PSD3: variants seen among roughly 807,000 people sequenced by gnomAD.
PSD3 encodes the protein PH and SEC7 domain-containing protein 3.
In PSD3, 49 loss-of-function variants were observed where a neutral mutation model predicts 105.5. The ratio of observed to expected loss-of-function variants is 0.46; its 90% CI spans 0.37 to 0.59. PSD3 has a LOEUF of 0.59. Ranked by LOEUF, PSD3 falls within the 20% of genes least tolerant of loss-of-function variation. The probability of loss-of-function intolerance (pLI) is 0.00; values close to 1 mark genes in which losing one functional copy is unlikely to be tolerated. For synonymous variants in PSD3, 557 were observed against 457.8 expected (o/e 1.22, Z -2.77); for missense variants, 1,561 against 1,263.8 (o/e 1.24, Z -3.57).
At chr8:18,876,682 G>A (rs181100960) in intron 2 of PSD3, among the ~76,000 whole-genome samples, 2 of 152,206 alleles carry the variant, frequency 1.3e-5, no homozygotes, top group African/African-American at 4.8e-5. Flanking sequence ...TTACAGACAT[G>A]AACCACCGCA....
intron 4 of PSD3, among the ~76,000 whole-genome samples, chr8:18,854,945 T>C (rs1001539034): frequency 3.1e-4 from 47 of 152,198 alleles, no homozygotes; most frequent in African/African-American, 1.1e-3. Flanking sequence ...CACACACAGC[T>C]GTCAGACACA....
At chr8:19,065,405 G>A (rs13276590) in intron 1 of PSD3, among the ~76,000 whole-genome samples, 5,360 of 152,222 alleles carry the variant, frequency 0.035, 99 homozygotes, top group Non-Finnish European at 0.042. Context: ...GATAGCGTCA[G>A]ATCCCACAGC....
chr8:18,583,604 G>A (rs911074460), intron 12 of PSD3, among the ~76,000 whole-genome samples: 2 of 152,070 alleles, frequency 1.3e-5, no homozygotes, highest in Non-Finnish European at 2.9e-5. Flanking sequence ...ATCCATACAC[G>A]TTTGTCTCTG....
chr8:18,638,387 C>T (rs764194854), intron 10 of PSD3, among the ~76,000 whole-genome samples: 2 of 149,950 alleles, frequency 1.3e-5, no homozygotes, highest in African/African-American at 2.4e-5. Flanking sequence ...TATAGAAAAA[C>T]CGTAAAAACT....
intron 9 of PSD3, among the ~76,000 whole-genome samples, chr8:18,751,175 G>A (rs1056418176): frequency 6.6e-6 from 1 of 152,134 alleles, no homozygotes; most frequent in Non-Finnish European, 1.5e-5. Flanking sequence ...TGCAGGTCCC[G>A]AGCCCTGCCC....
intron 11 of PSD3, 42 bp from the exon 12 acceptor site, chr8:18,600,476 C>A (rs765511147): frequency 1.7e-5 from 25 of 1,433,526 alleles, no homozygotes; most frequent in Non-Finnish European, 2.3e-5. Context: ...TTGACATCAG[C>A]ATTTTAGAAA....
chr8:18,643,138 C>G (rs1807774786), intron 10 of PSD3, among the ~76,000 whole-genome samples: 1 of 152,102 alleles, frequency 6.6e-6, no homozygotes, highest in African/African-American at 2.4e-5. Context: ...GTCAAGGGTC[C>G]TGAATCTGAT....
intron 9 of PSD3, among the ~76,000 whole-genome samples, chr8:18,743,501 C>T (rs553133935): frequency 8.5e-5 from 13 of 152,172 alleles, no homozygotes; most frequent in Non-Finnish European, 1.8e-4. Flanking sequence ...AGTCGTTCTC[C>T]TTGGTGGGTC....
intron 9 of PSD3, among the ~76,000 whole-genome samples, chr8:18,697,393 C>T (rs1476452018): frequency 2.0e-5 from 3 of 152,166 alleles, no homozygotes; most frequent in Non-Finnish European, 4.4e-5. Flanking sequence ...AGACTCAAAA[C>T]ATTTTCTCTT....
At chr8:18,903,089 C>T (rs1367225550) in intron 2 of PSD3, among the ~76,000 whole-genome samples, 2 of 152,078 alleles carry the variant, frequency 1.3e-5, no homozygotes, top group Admixed American at 6.5e-5. Context: ...AAGTTGCCCC[C>T]GGAACCAGGA....
At chr8:18,757,562 G>A (rs1806161961) in intron 9 of PSD3, among the ~76,000 whole-genome samples, 1 of 152,196 alleles carries the variant, frequency 6.6e-6, no homozygotes, top group Non-Finnish European at 1.5e-5. Context: ...AAGGGGCAAT[G>A]AGGAAACCAG....
At chr8:18,886,877 C>G (rs1164279568) in intron 2 of PSD3, 1 of 152,240 alleles carries the variant, frequency 6.6e-6, no homozygotes, top group Non-Finnish European at 1.5e-5. Context: ...GCGGAAGCAG[C>G]CTGTTCTCCC....
chr8:18,903,251 G>T (rs1005817993), intron 2 of PSD3, among the ~76,000 whole-genome samples: 3 of 152,128 alleles, frequency 2.0e-5, no homozygotes, highest in Non-Finnish European at 4.4e-5. Context: ...GTATGACTGC[G>T]ATTTGGGAAC....
At chr8:18,865,261 TA>T (rs1563360261) in intron 4 of PSD3, 316 of 7,778 alleles carry the variant, frequency 0.041, 49 homozygotes, top group East Asian at 0.059. Context: ...TATATATATA[TA>T]TATATATATA....
At chr8:18,962,146 T>C (rs1178434403) in intron 1 of PSD3, among the ~76,000 whole-genome samples, 1 of 151,846 alleles carries the variant, frequency 6.6e-6, no homozygotes, top group African/African-American at 2.4e-5. Context: ...CTTGGGAGGC[T>C]GAGGCAGGAG....
At chr8:18,622,319 C>G (rs538908721) in intron 11 of PSD3, among the ~76,000 whole-genome samples, 1 of 152,050 alleles carries the variant, frequency 6.6e-6, no homozygotes, top group African/African-American at 2.4e-5. Context: ...TCCCATTTTA[C>G]AAAAAAACCT....
chr8:18,566,444 T>G (rs1468942451), intron 14 of PSD3, among the ~76,000 whole-genome samples: 1 of 150,150 alleles, frequency 6.7e-6, no homozygotes, highest in African/African-American at 2.5e-5. Flanking sequence ...GAGAATGGCA[T>G]GAACCCGGGA....
intron 9 of PSD3, among the ~76,000 whole-genome samples, chr8:18,750,324 G>A (rs1178335690): frequency 1.3e-5 from 2 of 151,964 alleles, no homozygotes; most frequent in Non-Finnish European, 2.9e-5. Context: ...CTTCCTTCTG[G>A]TGGGTTCGTG....
At position 18,714,259 on chromosome 8, in the gene PSD3, A is replaced by G. The variant is rs191113489; in HGVS notation, c.2172+51190T>C. Among the ~76,000 whole-genome samples the G allele has an allele frequency of 3.0e-3, 461 of 152,326 alleles. 1 individual carries two copies. The highest frequency in any genetic ancestry group is 5.3e-3 in the Non-Finnish European group (359 of 68,028). The stretch of plus-strand genomic sequence containing the variant: ...TGAAAATGTCAAAAGCAACTGCAAC[A>G]AAAGTAAAAATTGACAAATGAAATC... On this transcript the variant is annotated intron_variant, in intron 9 of 15. Coordinates refer to ENST00000327040, the MANE Select transcript of PSD3 (RefSeq NM_015310.4).
Sources: gnomAD v4.1 joint callset for allele counts (sites outside exome capture counted in the v4.1 genomes callset) on GRCh38, gnomAD v4.1.1 for gene constraint, MANE v1.5 for transcripts, NCBI Gene and HGNC (gene_info 2026-07-23, HGNC 2026-07-21) for gene names.